The following TIMELESS variants were observed in gnomAD, a reference collection of about 807,000 sequenced individuals.
The protein encoded by TIMELESS is protein timeless homolog.
A neutral mutation model predicts 164.3 loss-of-function variants in TIMELESS; 124 were observed. The observed-to-expected ratio is 0.75, with a 90% CI of 0.65 to 0.88. TIMELESS has a LOEUF of 0.88. Ranked by LOEUF, TIMELESS falls within the 40% of genes least tolerant of loss-of-function variation. The probability of loss-of-function intolerance (pLI) is 0.00; values close to 1 mark genes in which losing one functional copy is unlikely to be tolerated. For missense variants in TIMELESS, 1,422 were observed against 1,491.4 expected, an observed-to-expected ratio of 0.95 and a Z score of 0.77; for synonymous variants, 564 against 563.4, an observed-to-expected ratio of 1.00 and a Z score of -0.02.
In TIMELESS at chr12:56,417,674, T is replaced by C. The variant is rs764198562; in HGVS notation, c.*42A>G. On this transcript the variant is annotated 3_prime_UTR_variant, in exon 29 of 29. Transcript: ENST00000553532. ...TTCCAACTCTGACTTGAATGCACCA[T>C]CTAAAAACGTGTCTATCTCTACCCC... is the stretch of plus-strand genomic sequence containing the variant. 2 of 1,602,904 alleles carry C rather than the reference T, an allele frequency of 1.2e-6. No homozygotes were observed. Among genetic ancestry groups the C allele is most frequent in the Non-Finnish European group, 1.7e-6 (2 of 1,170,096 alleles).
chr12:56,425,423 C>T (rs376980076), intron 13 of TIMELESS, among the ~76,000 whole-genome samples: 227 of 152,312 alleles, frequency 1.5e-3, no homozygotes, highest in African/African-American at 5.3e-3. Flanking sequence ...CATGGCAAAA[C>T]TCCTGACCCA....
rs748147437 is a variant in TIMELESS, at chr12:56,424,786, G to A, written c.1844C>T (p.Ala615Val). 1.9e-6 allele frequency: 3 copies of A among 1,614,118 alleles called. No homozygotes were observed. Among genetic ancestry groups the A allele is most frequent in the Non-Finnish European group, 2.5e-6 (3 of 1,180,024 alleles). Residue 615 changes from alanine (A) to valine (V), a missense_variant, in exon 15 of 29, where the codon GCC becomes GTC. Physicochemically the swap from Ala to Val is moderately conservative, Grantham distance 64. Transcript: ENST00000553532. ...DCLLAGQAPQ[A>V]LTLLRSAREV... ...CCGAGCAGACCTCAGGAGAGTCAGG[G>A]CCTGTGGGGCCTGGCCAGCCAGGAG...
chr12:56,426,016 G>A (rs1344101307), intron 13 of TIMELESS, among the ~76,000 whole-genome samples: 1 of 152,150 alleles, frequency 6.6e-6, no homozygotes. Flanking sequence ...TGAACTGAGA[G>A]GCCCCTGAAG....
Position 56,432,355 on chromosome 12 carries a change from G to C in TIMELESS, c.687+14C>G, listed in dbSNP as rs748570055. 48 of 1,606,660 alleles carry C rather than the reference G, an allele frequency of 3.0e-5. No homozygotes were observed. The highest frequency in any genetic ancestry group is 5.4e-5 in the African/African-American group (4 of 74,766). On this transcript the variant is annotated intron_variant, in intron 7 of 28. Coordinates refer to ENST00000553532, the MANE Select transcript of TIMELESS (RefSeq NM_003920.5). ...ATGGGCGGAGGGGACTCGGGCAATA[G>C]GCCAGGGTCTCACCTGGTCACGAAA...
chr12:56,441,727 G>T (rs1035918696), intron 1 of TIMELESS, among the ~76,000 whole-genome samples: 16 of 151,772 alleles, frequency 1.1e-4, no homozygotes, highest in Non-Finnish European at 2.1e-4. Flanking sequence ...AATGCTTAGG[G>T]AGAACCTTCC....
At chr12:56,427,118 G>C (rs1013811347) in intron 13 of TIMELESS, among the ~76,000 whole-genome samples, 3 of 151,674 alleles carry the variant, frequency 2.0e-5, no homozygotes, top group Non-Finnish European at 4.4e-5. Flanking sequence ...CACCATGCTG[G>C]TGAATTGTTT....
In TIMELESS at chr12:56,416,732, T is replaced by G. The variant is rs1881272985; in HGVS notation, c.*984A>C. ...GGAAGGTTGTTGGTCTTTTTTTTTTTTCTTTTTTTTTGAGACAGAGTCTTG... is the reference window on the plus strand; with the variant it reads ...GGAAGGTTGTTGGTCTTTTTTTTTTGTCTTTTTTTTTGAGACAGAGTCTTG... On this transcript the variant is annotated 3_prime_UTR_variant, in exon 29 of 29. Transcript: ENST00000553532. 1 of 151,722 alleles carries G rather than the reference T, an allele frequency of 6.6e-6. No individual in the cohort carries two copies. The highest frequency in any genetic ancestry group is 1.5e-5 in the Non-Finnish European group (1 of 68,048). 9.4% of individuals were successfully genotyped at this position (151,722 alleles called of 1,614,324 possible). A position where few individuals can be genotyped will look rare whatever the true frequency, so the allele number is the denominator to read the frequency against.
At chr12:56,432,277 G>T (rs774040) in intron 7 of TIMELESS, 92 bp downstream of exon 7, 40 of 1,449,096 alleles carry the variant, frequency 2.8e-5, no homozygotes, top group Admixed American at 2.7e-4. Context: ...GCCTTCCCCA[G>T]ATAATGCAGC....
rs1868488171 is a variant in TIMELESS at position 56,449,318 on chromosome 12, TGC to T, written c.-72_-71del. ...GCCACACACTCACTCACCCGCTCCC[TGC>T]GGGTCCTCAGAAGCCCGGAGGAGCC... On this transcript the variant is annotated 5_prime_UTR_variant, in exon 1 of 29. Transcript: ENST00000553532. 6.6e-6 allele frequency: 1 copy of T among 152,292 alleles called. No individual in the cohort carries two copies. The highest frequency in any genetic ancestry group is 1.9e-4 in the East Asian group (1 of 5,202). 9.4% of individuals were successfully genotyped at this position (152,292 alleles called of 1,614,324 possible). A position where few individuals can be genotyped will look rare whatever the true frequency, so the allele number is the denominator to read the frequency against.
chr12:56,443,592 T>C (rs1253645326), intron 1 of TIMELESS, among the ~76,000 whole-genome samples: 2 of 152,204 alleles, frequency 1.3e-5, no homozygotes, highest in African/African-American at 4.8e-5. Context: ...CTTTGAAGCA[T>C]GTGATCTCTG....
rs369760898 is a variant in TIMELESS, at chr12:56,430,971, G to A, written c.822-3C>T. ...AGGAGCCCCCAAATCGAGAATGCCT[G>A]CAGAAACAAAAAGGTCCAAGGTGAT... On this transcript the variant is annotated splice_region_variant and splice_polypyrimidine_tract_variant and intron_variant, in intron 8 of 28. Coordinates refer to ENST00000553532, the MANE Select transcript of TIMELESS (RefSeq NM_003920.5). 3.1e-5 allele frequency: 48 copies of A among 1,571,030 alleles called. No individual in the cohort carries two copies. In the African/African-American group the frequency reaches 3.2e-4, roughly 10 times the overall value.
intron 6 of TIMELESS, 52 bp from the exon 7 acceptor site, chr12:56,432,576 C>T (rs1424697192): frequency 1.3e-6 from 2 of 1,589,978 alleles, no homozygotes; most frequent in Admixed American, 1.7e-5. Context: ...TCCCACTGCC[C>T]TGCCTTGAAG....
At chr12:56,435,731 G>A (rs1310887146) in intron 1 of TIMELESS, among the ~76,000 whole-genome samples, 1 of 151,984 alleles carries the variant, frequency 6.6e-6, no homozygotes, top group Non-Finnish European at 1.5e-5. Flanking sequence ...AGGCTGAGGC[G>A]GGCGGATCAT....
intron 1 of TIMELESS, among the ~76,000 whole-genome samples, chr12:56,447,781 T>TG (rs1216208345): frequency 2.6e-5 from 4 of 152,004 alleles, no homozygotes; most frequent in African/African-American, 9.7e-5. Context: ...CAGGAAGAAG[T>TG]GACTAACTTG....
intron 18 of TIMELESS, 45 bp downstream of exon 18, chr12:56,423,229 G>C (rs1881554835): frequency 1.2e-6 from 2 of 1,600,722 alleles, no homozygotes; most frequent in Admixed American, 1.7e-5. Flanking sequence ...TTTACCTGAG[G>C]GTTCCCATAC....
intron 10 of TIMELESS, among the ~76,000 whole-genome samples, 154 bp downstream of exon 10, chr12:56,429,951 C>T (rs1005568108): frequency 5.9e-5 from 9 of 152,108 alleles, no homozygotes; most frequent in Admixed American, 1.3e-4. Flanking sequence ...CACTATCTCT[C>T]AGGGACATCC....
In TIMELESS at chr12:56,418,000, C is replaced by T. The variant is rs150055938; in HGVS notation, c.3463G>A (p.Ala1155Thr). The change falls in exon 28 of 29, where the codon GCT becomes ACT. Residue 1155 changes from alanine (A) to threonine (T), a missense_variant. Ala to Thr is a moderately conservative substitution (Grantham distance 58, BLOSUM62 0). Transcript: ENST00000553532. ...AGLASPEEED[A>T]VGKEPLKAAP... ...GCCTTCAGCGGCTCTTTACCAACAG[C>T]GTCTTCCTCTGCAATGACCATAAAT... The T allele has an allele frequency of 1.3e-4, 204 of 1,614,202 alleles. No individual in the cohort carries two copies. In the African/African-American group the frequency reaches 2.2e-3, roughly 17 times the overall value.
chr12:56,435,958 T>C (rs71447776), intron 1 of TIMELESS, among the ~76,000 whole-genome samples: 1 of 138,154 alleles, frequency 7.2e-6, no homozygotes, highest in African/African-American at 2.7e-5. Flanking sequence ...GACTCCGTCT[T>C]AAAAAAAAAA....
intron 10 of TIMELESS, 93 bp from the exon 11 acceptor site, chr12:56,429,193 C>T (rs1477183852): frequency 8.3e-7 from 1 of 1,199,564 alleles, no homozygotes; most frequent in South Asian, 1.5e-5. Context: ...GGATGCTGGA[C>T]ACCGTCATAA....
Sources: allele counts gnomAD v4.1 joint callset (sites outside exome capture counted in the v4.1 genomes callset), GRCh38; gene constraint gnomAD v4.1.1; transcripts MANE v1.5; gene names NCBI Gene and HGNC (gene_info 2026-07-23, HGNC 2026-07-21).